The following SMYD3 variants were observed in gnomAD, a reference collection of about 807,000 sequenced individuals.
SMYD3 encodes histone-lysine N-methyltransferase SMYD3.
Under a neutral mutation model 57.7 loss-of-function variants are expected in SMYD3, and 36 were observed. That is an observed-to-expected ratio of 0.62 (90% CI 0.48 to 0.82). The LOEUF (loss-of-function observed/expected upper bound fraction) is 0.82. Among genes scored for constraint, SMYD3 ranks in the 40% least tolerant of loss-of-function variants. The pLI, the probability that SMYD3 is intolerant of heterozygous loss-of-function variation, is 0.00. For synonymous variants in SMYD3, 211 were observed against 195.0 expected, an observed-to-expected ratio of 1.08 and a Z score of -0.68; for missense variants, 515 against 538.8, an observed-to-expected ratio of 0.96 and a Z score of 0.44.
chr1:245,960,942 A>G (rs2057989661), intron 5 of SMYD3, among the ~76,000 whole-genome samples: 1 of 152,220 alleles, frequency 6.6e-6, no homozygotes, highest in East Asian at 1.9e-4. Context: ...CCGAAGGCCA[A>G]AGGTCTCTTG....
intron 5 of SMYD3, among the ~76,000 whole-genome samples, chr1:246,009,469 A>AT (rs2059239004): frequency 6.6e-6 from 1 of 152,232 alleles, no homozygotes; most frequent in African/African-American, 2.4e-5. Flanking sequence ...TTGTGAATAT[A>AT]TATTTTTAAC....
chr1:246,450,487 G>A (rs1445128694), intron 1 of SMYD3, among the ~76,000 whole-genome samples: 1 of 152,148 alleles, frequency 6.6e-6, no homozygotes, highest in African/African-American at 2.4e-5. Context: ...CCCACCCCAA[G>A]ATGGCAGTGA....
intron 1 of SMYD3, among the ~76,000 whole-genome samples, chr1:246,470,776 T>A (rs1306067224): frequency 6.6e-6 from 1 of 151,920 alleles, no homozygotes; most frequent in African/African-American, 2.4e-5. Context: ...ACAAAGGACA[T>A]TATTGCAACA....
At chr1:245,916,077 G>C (rs2147778292) in intron 7 of SMYD3, among the ~76,000 whole-genome samples, 1 of 152,218 alleles carries the variant, frequency 6.6e-6, no homozygotes, top group East Asian at 1.9e-4. Flanking sequence ...CAATTCTATA[G>C]CTGCCTCATG....
At chr1:245,840,038 G>C (rs536081690) in intron 10 of SMYD3, among the ~76,000 whole-genome samples, 3 of 152,178 alleles carry the variant, frequency 2.0e-5, no homozygotes, top group African/African-American at 4.8e-5. Flanking sequence ...AATCCCTAGA[G>C]CATAAAGCAA....
rs148284432 is a variant in SMYD3, at chr1:246,440,427, G to A, written c.164+66627C>T. Among the ~76,000 whole-genome samples the A allele has an allele frequency of 3.6e-3, 541 of 152,184 alleles. 1 individual carries two copies. The highest frequency in any genetic ancestry group is 0.013 in the African/African-American group (522 of 41,508). ...ACAAACAGCCTGTGAGGAAGATATC[G>A]TCACACCCACTACACTGATATGCAA... On this transcript the variant is annotated intron_variant, in intron 1 of 11. Coordinates refer to ENST00000490107, the MANE Select transcript of SMYD3 (RefSeq NM_001167740.2).
intron 5 of SMYD3, among the ~76,000 whole-genome samples, chr1:246,212,148 A>G (rs753260609): frequency 2.6e-5 from 4 of 152,122 alleles, no homozygotes; most frequent in Non-Finnish European, 4.4e-5. Flanking sequence ...GGTAAACTAA[A>G]TCAACTTTTT....
chr1:246,494,140 G>A (rs929141735), intron 1 of SMYD3, among the ~76,000 whole-genome samples: 3 of 152,118 alleles, frequency 2.0e-5, no homozygotes, highest in Non-Finnish European at 4.4e-5. Context: ...AAATCTCTAT[G>A]GGCTCCTCAA....
intron 5 of SMYD3, among the ~76,000 whole-genome samples, chr1:246,257,713 T>C (rs956092589): frequency 6.6e-6 from 1 of 152,212 alleles, no homozygotes; most frequent in Non-Finnish European, 1.5e-5. Flanking sequence ...CTTTATAGGG[T>C]CTGTGGGCTA....
intron 5 of SMYD3, among the ~76,000 whole-genome samples, chr1:246,236,186 ATAT>A (rs1401561520): frequency 7.0e-6 from 1 of 143,618 alleles, no homozygotes; most frequent in Non-Finnish European, 1.5e-5. Context: ...TAATAAAGAA[ATAT>A]TATGATAAAT....
At chr1:246,472,741 C>G (rs763579520) in intron 1 of SMYD3, among the ~76,000 whole-genome samples, 2 of 151,874 alleles carry the variant, frequency 1.3e-5, no homozygotes, top group Non-Finnish European at 2.9e-5. Context: ...AAGATCCTGT[C>G]TCCAAAAAAA....
chr1:245,995,462 C>A (rs993694587), intron 5 of SMYD3, among the ~76,000 whole-genome samples: 1 of 152,208 alleles, frequency 6.6e-6, no homozygotes, highest in African/African-American at 2.4e-5. Context: ...GTAATTTATG[C>A]CAACGTGTTT....
At chr1:246,458,023 G>C (rs1558473951) in intron 1 of SMYD3, among the ~76,000 whole-genome samples, 1 of 152,128 alleles carries the variant, frequency 6.6e-6, no homozygotes, top group Admixed American at 6.5e-5. Context: ...GCATCTGTCT[G>C]TTCATTTCCT....
At chr1:246,102,723 C>T (rs2061037131) in intron 5 of SMYD3, among the ~76,000 whole-genome samples, 1 of 149,826 alleles carries the variant, frequency 6.7e-6, no homozygotes, top group Non-Finnish European at 1.5e-5. Flanking sequence ...GCCTGGCCAA[C>T]AAAGTGAGAC....
At chr1:245,979,294 G>A (rs2058537153) in intron 5 of SMYD3, among the ~76,000 whole-genome samples, 1 of 152,162 alleles carries the variant, frequency 6.6e-6, no homozygotes, top group Non-Finnish European at 1.5e-5. Flanking sequence ...GTCTAAAGGT[G>A]TCTGTTATGG....
chr1:246,044,009 G>A (rs1436077304), intron 5 of SMYD3, among the ~76,000 whole-genome samples: 1 of 152,176 alleles, frequency 6.6e-6, no homozygotes, highest in Non-Finnish European at 1.5e-5. Flanking sequence ...GTGGTTCCTG[G>A]TGTGGTTTAT....
At chr1:245,848,677 G>T (rs967271870) in intron 10 of SMYD3, among the ~76,000 whole-genome samples, 2 of 151,908 alleles carry the variant, frequency 1.3e-5, no homozygotes, top group Non-Finnish European at 2.9e-5. Flanking sequence ...CTCCCAAAGT[G>T]CTGGGATTAC....
chr1:246,408,500 A>G (rs754849481), intron 1 of SMYD3, among the ~76,000 whole-genome samples: 8 of 152,190 alleles, frequency 5.3e-5, no homozygotes, highest in Non-Finnish European at 7.4e-5. Context: ...ATATTTTACT[A>G]TACAGGAAAA....
chr1:245,821,399 G>C (rs1466849055), intron 10 of SMYD3, among the ~76,000 whole-genome samples: 1 of 150,544 alleles, frequency 6.6e-6, no homozygotes, highest in African/African-American at 2.4e-5. Context: ...ATCAATTCAA[G>C]ATTGATTAAA....
Sources: allele counts gnomAD v4.1 joint callset (sites outside exome capture counted in the v4.1 genomes callset), GRCh38; gene constraint gnomAD v4.1.1; transcripts MANE v1.5; gene names NCBI Gene and HGNC (gene_info 2026-07-23, HGNC 2026-07-21).